RNF213: variants seen among roughly 807,000 people sequenced by gnomAD.
RNF213 encodes the protein ring finger protein 213.
Under a neutral mutation model 514.4 loss-of-function variants are expected in RNF213, and 341 were observed. That is an observed-to-expected ratio of 0.66 (90% CI 0.61 to 0.73). The LOEUF (loss-of-function observed/expected upper bound fraction) is 0.73, where lower values mean the gene tolerates loss of function less well. RNF213 is among the 30% of genes least tolerant of loss of function. The probability of loss-of-function intolerance (pLI) is 0.00; values close to 1 mark genes in which losing one functional copy is unlikely to be tolerated. For missense variants in RNF213, 5,767 were observed against 6,615.6 expected (o/e 0.87, Z 4.45); for synonymous variants, 2,655 against 2,658.2 (o/e 1.00, Z 0.04).
At chr17:80,381,012 T>C in intron 56 of RNF213, 25 bp downstream of exon 56, 4 of 1,613,892 alleles carry the variant, frequency 2.5e-6, no homozygotes, top group Non-Finnish European at 3.4e-6. Context: ...TGCCAAACAA[T>C]GGGCTCAGTT....
intron 11 of RNF213, among the ~76,000 whole-genome samples, chr17:80,302,403 A>T (rs1169062027): frequency 6.6e-6 from 1 of 152,226 alleles, no homozygotes. Context: ...CAGACTGTAT[A>T]CTTTGTACAT....
chr17:80,306,415 C>G lies in RNF213; in HGVS notation c.2374C>G (p.Leu792Val), dbSNP rs755231162. The change falls in exon 12 of 68, where the codon CTT becomes GTT. Residue 792 changes from leucine (L) to valine (V), a missense_variant. Physicochemically the swap from Leu to Val is conservative, Grantham distance 32 (BLOSUM62 1). Transcript: ENST00000582970. ...TTTTCCTGCTCATATCCTGGACTGT[C>G]TTTCAGGGATTTACTACCGGCTTCC... ...GRFPAHILDC[L>V]SGIYYRLPGL... The G allele has an allele frequency of 6.2e-7, 1 of 1,614,166 alleles. No homozygotes were observed. Among genetic ancestry groups the G allele is most frequent in the South Asian group, 1.1e-5 (1 of 91,078 alleles).
intron 31 of RNF213, among the ~76,000 whole-genome samples, chr17:80,350,941 C>T (rs1013243230): frequency 5.3e-5 from 8 of 152,158 alleles, no homozygotes; most frequent in Non-Finnish European, 7.4e-5. Context: ...ATTTCAAGTT[C>T]GAGGGAAACA....
In RNF213 at chr17:80,325,254, T is replaced by C. The variant is rs567738502; in HGVS notation, c.3193+56T>C. ...CTCAGGCAAGGTGGTGTCTTCCTGA[T>C]TGGGAAAGGTGGGAGGCAGAAGATT... On this transcript the variant is annotated intron_variant, in intron 18 of 67. Transcript: ENST00000582970. 3 of 1,461,696 alleles carry C rather than the reference T, an allele frequency of 2.1e-6. No individual in the cohort carries two copies. In the East Asian group the frequency reaches 7.5e-5, roughly 36 times the overall value. The allele number at this position is 1,461,696 out of a possible 1,614,324, so 90.5% of individuals were successfully genotyped here.
chr17:80,344,475 C>T (rs2078247531), intron 28 of RNF213, among the ~76,000 whole-genome samples: 1 of 152,192 alleles, frequency 6.6e-6, no homozygotes, highest in Non-Finnish European at 1.5e-5. Context: ...GATTTCCTGG[C>T]TCAGAACGCA....
At chr17:80,285,762 C>T (rs1181076908) in intron 3 of RNF213, among the ~76,000 whole-genome samples, 2 of 151,848 alleles carry the variant, frequency 1.3e-5, no homozygotes, top group African/African-American at 4.8e-5. Context: ...CCTCTGCCTC[C>T]CGGGTTCAAG....
At chr17:80,307,246 C>T (rs773342519) in intron 13 of RNF213, 45 bp downstream of exon 13, 66 of 1,577,636 alleles carry the variant, frequency 4.2e-5, no homozygotes, top group Middle Eastern at 1.7e-4. Flanking sequence ...ATGCGGCCCC[C>T]GGGGGCTTCC....
intron 10 of RNF213, among the ~76,000 whole-genome samples, chr17:80,297,982 A>G (rs927562106): frequency 6.6e-6 from 1 of 152,162 alleles, no homozygotes; most frequent in African/African-American, 2.4e-5. Context: ...GTTGCTTTAT[A>G]TTTAGATTTA....
At chr17:80,362,023 G>A in intron 39 of RNF213, 135 bp downstream of exon 39, 1 of 997,090 alleles carries the variant, frequency 1.0e-6, no homozygotes, top group East Asian at 2.8e-5. Context: ...GTCAGCGAAG[G>A]GTGCCGGTGG....
intron 6 of RNF213, 141 bp from the exon 7 acceptor site, chr17:80,290,429 G>A (rs972381380): frequency 2.1e-6 from 2 of 971,188 alleles, no homozygotes; most frequent in South Asian, 1.3e-5. Flanking sequence ...GTGCGAGTGT[G>A]CGCGTGTGTG....
chr17:80,367,937 C>G, intron 43 of RNF213, 24 bp from the exon 44 acceptor site: 1 of 1,614,218 alleles, frequency 6.2e-7, no homozygotes, highest in Non-Finnish European at 8.5e-7. Flanking sequence ...TGCTTCAGAA[C>G]TGATTGCCCT....
chr17:80,306,879 CAT>C (rs917608467), intron 12 of RNF213, among the ~76,000 whole-genome samples: 7 of 151,394 alleles, frequency 4.6e-5, no homozygotes, highest in African/African-American at 1.7e-4. Flanking sequence ...GAAGGCGTCT[CAT>C]GTGATGCACT....
Position 80,339,759 on chromosome 17 carries a change from G to A in RNF213, c.5392G>A (p.Asp1798Asn), listed in dbSNP as rs1025831049. 6.5e-6 allele frequency: 10 copies of A among 1,536,646 alleles called. No individual in the cohort carries two copies. The highest frequency in any genetic ancestry group is 1.4e-5 in the African/African-American group (1 of 72,984). ...TCCTGCCTTCCTGCCCGACTGCCTC[G>A]ACCTAGAGACCCTTGGCCACTGTCT... ...CLPAFLPDCL[D>N]LETLGHCLAH... Residue 1798 changes from aspartate to asparagine, a missense_variant, in exon 26 of 68, where the codon GAC becomes AAC. Around this residue, in one of 13 missense-constraint regions of RNF213, gnomAD observed 1,377 missense variants for 1,635.2 expected, o/e 0.84. Transcript: ENST00000582970.
intron 63 of RNF213, among the ~76,000 whole-genome samples, chr17:80,387,726 G>A (rs2080294837): frequency 6.6e-6 from 1 of 152,166 alleles, no homozygotes; most frequent in African/African-American, 2.4e-5. Context: ...TCTGGTATGG[G>A]AGGCCCTGTA....
chr17:80,374,735 G>C, intron 50 of RNF213, 146 bp downstream of exon 50: 1 of 941,448 alleles, frequency 1.1e-6, no homozygotes, highest in South Asian at 1.4e-5. Context: ...CGTGCCCACA[G>C]CCTCCAGGGC....
intron 7 of RNF213, 108 bp downstream of exon 7, chr17:80,290,836 G>A: frequency 8.0e-7 from 1 of 1,242,992 alleles, no homozygotes. Flanking sequence ...CTGAGACGGA[G>A]TCTTGCTGTG....
In RNF213 at chr17:80,287,896, G is replaced by C; in HGVS notation, c.343G>C (p.Ala115Pro). 1.9e-6 allele frequency: 3 copies of C among 1,581,160 alleles called. No homozygotes were observed. The highest frequency in any genetic ancestry group is 1.7e-6 in the Non-Finnish European group (2 of 1,163,670). Reference sequence around the variant, plus strand: ...GCTGGCTTCCTTGCCCCTTTCTCCTGCCAGCCCCTGTCACCTGACTTTGCT... The same window carrying C: ...GCTGGCTTCCTTGCCCCTTTCTCCTCCCAGCCCCTGTCACCTGACTTTGCT... ...SELASLPLSP[A>P]SPCHLTLLSN... The change falls in exon 4 of 68, where the codon GCC becomes CCC. Residue 115 changes from alanine (A) to proline (P), a missense_variant. Transcript: ENST00000582970.
intron 10 of RNF213, among the ~76,000 whole-genome samples, chr17:80,296,095 C>T (rs746648001): frequency 6.6e-6 from 1 of 152,200 alleles, no homozygotes; most frequent in Non-Finnish European, 1.5e-5. Context: ...TCTTGGCTCA[C>T]TGCAGCCTCC....
rs370477255 is a variant in RNF213, at chr17:80,340,367, C to T, written c.5989+11C>T. ...AGCGAGCAGGTGTTGGTAAGGAGAG[C>T]GGCAGGGTGGGCAGGCCCCGTCTCC... On this transcript the variant is annotated intron_variant, in intron 26 of 67. Coordinates refer to ENST00000582970, the MANE Select transcript of RNF213 (RefSeq NM_001256071.3). The T allele has an allele frequency of 4.0e-5, 64 of 1,599,772 alleles. No individual in the cohort carries two copies. Among genetic ancestry groups the T allele is most frequent in the African/African-American group, 2.0e-4 (15 of 74,764 alleles).
Sources: gnomAD v4.1 joint callset for allele counts (sites outside exome capture counted in the v4.1 genomes callset) on GRCh38, gnomAD v4.1.1 for gene constraint, gnomAD v4.1.1 regional missense constraint, MANE v1.5 for transcripts, NCBI Gene and HGNC (gene_info 2026-07-23, HGNC 2026-07-21) for gene names.